The following TEC variants were observed in gnomAD, a reference collection of about 807,000 sequenced individuals.
The protein encoded by TEC is tyrosine-protein kinase Tec.
A neutral mutation model predicts 93.0 loss-of-function variants in TEC; 72 were observed. The observed-to-expected ratio is 0.77, with a 90% CI of 0.64 to 0.94. The LOEUF (loss-of-function observed/expected upper bound fraction) is 0.94, where lower values mean the gene tolerates loss of function less well. TEC is among the 40% of genes least tolerant of loss of function. The pLI is 0.00. For missense variants in TEC, 630 were observed against 757.9 expected, an observed-to-expected ratio of 0.83 and a Z score of 1.98; for synonymous variants, 249 against 247.7, an observed-to-expected ratio of 1.01 and a Z score of -0.05.
intron 2 of TEC, among the ~76,000 whole-genome samples, chr4:48,186,069 G>T (rs1045065077): frequency 6.6e-6 from 1 of 152,210 alleles, no homozygotes. Context: ...ATGTTGGCCG[G>T]GCTGGTCTCC....
At chr4:48,266,229 A>G (rs570337799) in intron 1 of TEC, among the ~76,000 whole-genome samples, 2 of 152,336 alleles carry the variant, frequency 1.3e-5, no homozygotes, top group South Asian at 2.1e-4. Context: ...GGCTCTACCA[A>G]AAGAAGGGAG....
chr4:48,170,166 C>A, intron 5 of TEC, 82 bp downstream of exon 5: 1 of 1,240,376 alleles, frequency 8.1e-7, no homozygotes, highest in Non-Finnish European at 1.1e-6. Flanking sequence ...TGTACTTAAT[C>A]AAAACCATGT....
At chr4:48,185,066 A>T (rs1721760016) in intron 2 of TEC, among the ~76,000 whole-genome samples, 1 of 152,192 alleles carries the variant, frequency 6.6e-6, no homozygotes, top group Admixed American at 6.5e-5. Context: ...ACACACACAC[A>T]ATCCGTTGCC....
intron 1 of TEC, among the ~76,000 whole-genome samples, chr4:48,260,797 T>C (rs1389440378): frequency 6.6e-6 from 1 of 152,172 alleles, no homozygotes; most frequent in African/African-American, 2.4e-5. Context: ...TGTAACATAA[T>C]GCTCCTTAAT....
At chr4:48,137,980 A>G (rs1245395148) in intron 17 of TEC, among the ~76,000 whole-genome samples, 1 of 152,034 alleles carries the variant, frequency 6.6e-6, no homozygotes, top group Non-Finnish European at 1.5e-5. Flanking sequence ...GCCCATCCCA[A>G]TCAATGCTCT....
chr4:48,253,906 T>C (rs1560426432), intron 1 of TEC, among the ~76,000 whole-genome samples: 2 of 152,026 alleles, frequency 1.3e-5, no homozygotes, highest in Admixed American at 6.6e-5. Flanking sequence ...TGAGTTCCCT[T>C]TTCCTTTCCT....
chr4:48,178,442 CAT>C (rs35138852), intron 2 of TEC, among the ~76,000 whole-genome samples: 4,122 of 152,284 alleles, frequency 0.027, 176 homozygotes, highest in African/African-American at 0.094. Context: ...GCACTGAACA[CAT>C]GTTATCTCAT....
At chr4:48,170,773 G>A (rs536270944) in intron 4 of TEC, among the ~76,000 whole-genome samples, 7 of 152,278 alleles carry the variant, frequency 4.6e-5, no homozygotes, top group East Asian at 3.9e-4. Flanking sequence ...ATCCTGGGCC[G>A]GGTGCAGCGG....
At chr4:48,253,856 GTGAGCCACCGAGCC>G (rs1410344106) in intron 1 of TEC, among the ~76,000 whole-genome samples, 2 of 151,988 alleles carry the variant, frequency 1.3e-5, no homozygotes, top group Non-Finnish European at 2.9e-5. Context: ...TATTATAGGC[GTGAGCCACCGAGCC>G]TGGCCTAATC....
intron 1 of TEC, among the ~76,000 whole-genome samples, chr4:48,265,454 TACATATATAC>T (rs1340944720): frequency 7.4e-4 from 28 of 37,592 alleles, no homozygotes; most frequent in South Asian, 1.9e-3. Flanking sequence ...CGTATATATA[TACATATATAC>T]ACACACATAT....
chr4:48,250,819 C>T (rs531267333), intron 1 of TEC, among the ~76,000 whole-genome samples: 40 of 152,314 alleles, frequency 2.6e-4, no homozygotes, highest in African/African-American at 8.9e-4. Context: ...CAGTTAAGAT[C>T]AACCAAGCCC....
In TEC at chr4:48,211,288, CA is replaced by C. The variant is rs1349141202; in HGVS notation, c.138+17188del. Reference sequence around the variant, plus strand: ...AGCTGATAAGCTGATTCTAGAACTTCAAGAAATATATTATCTCATCCAGTGA... The same window carrying C: ...AGCTGATAAGCTGATTCTAGAACTTCAGAAATATATTATCTCATCCAGTGA... On this transcript the variant is annotated intron_variant, in intron 2 of 17. Coordinates refer to ENST00000381501, the MANE Select transcript of TEC (RefSeq NM_003215.3). 2.6e-5 allele frequency among the ~76,000 whole-genome samples: 4 copies of C among 152,298 alleles called. No homozygotes were observed. In the East Asian group the frequency reaches 7.7e-4, roughly 29 times the overall value.
At chr4:48,168,043 G>A (rs1414530919) in intron 6 of TEC, 90 bp from the exon 7 acceptor site, 2 of 1,127,984 alleles carry the variant, frequency 1.8e-6, no homozygotes, top group African/African-American at 3.1e-5. Flanking sequence ...CATCACCACA[G>A]AATAAACTAG....
At chr4:48,153,547 C>T (rs1720266502) in intron 9 of TEC, 1 of 152,184 alleles carries the variant, frequency 6.6e-6, no homozygotes, top group Non-Finnish European at 1.5e-5. Flanking sequence ...CCCATTTATG[C>T]CTAGTGTTCC....
intron 12 of TEC, 39 bp downstream of exon 12, chr4:48,146,286 A>G: frequency 6.3e-7 from 1 of 1,585,042 alleles, no homozygotes. Context: ...GATTCTTTTC[A>G]AGGAAAATTA....
At chr4:48,219,969 A>G (rs952744332) in intron 2 of TEC, among the ~76,000 whole-genome samples, 5 of 152,064 alleles carry the variant, frequency 3.3e-5, no homozygotes, top group African/African-American at 1.2e-4. Context: ...TTTTGGGAAG[A>G]GCACTGAACT....
At chr4:48,231,100 T>A (rs890751459) in intron 1 of TEC, among the ~76,000 whole-genome samples, 2 of 152,250 alleles carry the variant, frequency 1.3e-5, no homozygotes, top group African/African-American at 2.4e-5. Context: ...CAGGTTTTTT[T>A]ATTCAGTTGG....
At chr4:48,156,976 G>A (rs1480840258) in intron 8 of TEC, among the ~76,000 whole-genome samples, 1 of 152,082 alleles carries the variant, frequency 6.6e-6, no homozygotes, top group African/African-American at 2.4e-5. Context: ...ATTAAAGTGA[G>A]ATCAAACTAC....
At chr4:48,179,887 C>T (rs191037742) in intron 2 of TEC, among the ~76,000 whole-genome samples, 64 of 152,074 alleles carry the variant, frequency 4.2e-4, no homozygotes, top group Non-Finnish European at 2.2e-4. Flanking sequence ...TTAATATTTG[C>T]AAAGTGCTTA....
Sources: gnomAD v4.1 joint callset for allele counts (sites outside exome capture counted in the v4.1 genomes callset) on GRCh38, gnomAD v4.1.1 for gene constraint, MANE v1.5 for transcripts, NCBI Gene and HGNC (gene_info 2026-07-23, HGNC 2026-07-21) for gene names.